Variants in COL10A1 observed in about 807,000 individuals in gnomAD.
COL10A1 encodes the protein collagen type X alpha 1 chain.
A neutral mutation model predicts 18.2 loss-of-function variants in COL10A1; 10 were observed. The ratio of observed to expected loss-of-function variants is 0.55; its 90% CI spans 0.34 to 0.93. COL10A1 has a LOEUF of 0.93. Ranked by LOEUF, COL10A1 falls within the 40% of genes least tolerant of loss-of-function variation. The pLI, the probability that COL10A1 is intolerant of heterozygous loss-of-function variation, is 0.02. For synonymous variants in COL10A1, 330 were observed against 316.6 expected (o/e 1.04, Z -0.45); for missense variants, 897 against 853.5 (o/e 1.05, Z -0.64).
rs552340651 is a variant in COL10A1 at position 116,141,786 on chromosome 6, C to T, written c.-15-16279G>A. On this transcript the variant is annotated intron_variant, in intron 1 of 1. Coordinates refer to the COL10A1 transcript ENST00000418500. ...TTTTTTTTTTTGTTTTGGTTTCCAG[C>T]AGGAGAATGTTTCCAGTTGAGGATT... is the stretch of plus-strand genomic sequence containing the variant. Among the ~76,000 whole-genome samples the T allele has an allele frequency of 4.5e-4, 67 of 148,320 alleles. No individual in the cohort carries two copies. The South Asian group carries it at 0.014, about 31-fold the overall frequency.
intron 1 of COL10A1, among the ~76,000 whole-genome samples, chr6:116,135,834 G>GATATATATATATAT (rs199827970): frequency 3.7e-4 from 38 of 102,348 alleles, no homozygotes; most frequent in South Asian, 6.5e-4. Context: ...TATATTTTCA[G>GATATATATATATAT]ATATATATAT....
chr6:116,205,957 A>G, the COL10A1 span, among the ~76,000 whole-genome samples: 64,543 of 151,724 alleles, frequency 0.43, 17,704 homozygotes, highest in African/African-American at 0.78. Context: ...CAAGGTTCTA[A>G]TAGCTACCCC....
chr6:116,143,264 G>A (rs2114371861), intron 1 of COL10A1, among the ~76,000 whole-genome samples: 1 of 152,234 alleles, frequency 6.6e-6, no homozygotes, highest in South Asian at 2.1e-4. Context: ...AGACTGGAGT[G>A]CAGTGGCGCG....
In COL10A1 at chr6:116,156,098, T is replaced by C. The variant is rs538091144; in HGVS notation, c.-16+2516A>G. ...CCATCACTTAAAAATCTTGAAGTTATGTAAAGGTCAATAATACATATTTTC... is the reference window on the plus strand; with the variant it reads ...CCATCACTTAAAAATCTTGAAGTTACGTAAAGGTCAATAATACATATTTTC... On this transcript the variant is annotated intron_variant, in intron 1 of 1. Coordinates refer to the COL10A1 transcript ENST00000418500. Among the ~76,000 whole-genome samples the C allele has an allele frequency of 1.6e-4, 25 of 152,330 alleles. 1 individual carries two copies. In the South Asian group the frequency reaches 4.6e-3, roughly 28 times the overall value.
chr6:116,164,780 GTTTGGGAAAT>G, the COL10A1 span, among the ~76,000 whole-genome samples: 1 of 152,076 alleles, frequency 6.6e-6, no homozygotes, highest in African/African-American at 2.4e-5. Flanking sequence ...GCATTTGTTT[GTTTGGGAAAT>G]ACTTTATTTC....
intron 1 of COL10A1, among the ~76,000 whole-genome samples, chr6:116,142,120 CT>C (rs1436659865): frequency 6.6e-6 from 1 of 151,988 alleles, no homozygotes; most frequent in African/African-American, 2.4e-5. Flanking sequence ...TACAAAACTA[CT>C]TTTTTGTAGG....
chr6:116,171,849 A>G, the COL10A1 span, among the ~76,000 whole-genome samples: 1 of 152,250 alleles, frequency 6.6e-6, no homozygotes, highest in East Asian at 1.9e-4. Context: ...TTGATATTAA[A>G]GAGGTACTTA....
upstream of COL10A1, among the ~76,000 whole-genome samples, chr6:116,130,240 T>C (rs1009288039): frequency 5.3e-5 from 8 of 152,116 alleles, no homozygotes; most frequent in Non-Finnish European, 1.2e-4. Flanking sequence ...TTTAGAACAA[T>C]AAGCTGCTCC....
At chr6:116,172,317 CT>C in the COL10A1 span, among the ~76,000 whole-genome samples, 4,074 of 107,900 alleles carry the variant, frequency 0.038, 85 homozygotes, top group African/African-American at 0.14. Context: ...CCCTTAGTAA[CT>C]TTTTTTTTTT....
chr6:116,121,520 G>A lies in COL10A1; in HGVS notation c.596C>T (p.Pro199Leu). ...GEMGYGAPGR[P>L]GERGLPGPQG... ...AGGGCCTGGAAGACCCCTCTCACCT[G>A]GACGACCAGGAGCACCATATCCCAT... Residue 199 changes from proline to leucine, a missense_variant, in exon 3 of 3, where the codon CCA becomes CTA. By Grantham distance (98) the Pro-to-Leu change is moderately conservative (BLOSUM62 -3). Coordinates refer to ENST00000651968, the MANE Select transcript of COL10A1 (RefSeq NM_000493.4). 6.2e-7 allele frequency: 1 copy of A among 1,614,068 alleles called. No homozygotes were observed. The highest frequency in any genetic ancestry group is 8.5e-7 in the Non-Finnish European group (1 of 1,180,000).
chr6:116,192,054 G>A, the COL10A1 span, among the ~76,000 whole-genome samples: 3 of 151,946 alleles, frequency 2.0e-5, no homozygotes, highest in African/African-American at 7.2e-5. Flanking sequence ...CCATTACTTA[G>A]GTGAAACTTG....
At chr6:116,149,313 C>T (rs1779975533) in intron 1 of COL10A1, among the ~76,000 whole-genome samples, 1 of 152,136 alleles carries the variant, frequency 6.6e-6, no homozygotes, top group African/African-American at 2.4e-5. Context: ...TGCAAAATTT[C>T]AGAATATTAT....
At chr6:116,215,769 G>C in the COL10A1 span, among the ~76,000 whole-genome samples, 1 of 152,148 alleles carries the variant, frequency 6.6e-6, no homozygotes, top group Non-Finnish European at 1.5e-5. Flanking sequence ...GCCAAGTGCA[G>C]ACAATATGGC....
the COL10A1 span, among the ~76,000 whole-genome samples, chr6:116,175,412 G>A: frequency 3.0e-4 from 46 of 152,170 alleles, no homozygotes; most frequent in East Asian, 4.8e-3. Flanking sequence ...TGAAGTAGGC[G>A]GAGTATTTAT....
intron 1 of COL10A1, among the ~76,000 whole-genome samples, chr6:116,152,000 AGC>A (rs1291437770): frequency 2.6e-5 from 4 of 152,192 alleles, no homozygotes; most frequent in Non-Finnish European, 4.4e-5. Context: ...CTAATGACTA[AGC>A]TAATTGACTA....
rs1554192882 is a variant in COL10A1, at chr6:116,120,064, T to TGTG, written c.*6_*8dup. On this transcript the variant is annotated 3_prime_UTR_variant, in exon 3 of 3. Coordinates refer to ENST00000651968, the MANE Select transcript of COL10A1 (RefSeq NM_000493.4). The stretch of plus-strand genomic sequence containing the variant: ...TCTAGCACAAGATTTAGATTAGCTC[T>TGTG]GTGTGTACTCACATTGGAGCCACTA... The TGTG allele has an allele frequency of 9.6e-7, 1 of 1,041,936 alleles. No individual in the cohort carries two copies. 64.5% of individuals were successfully genotyped at this position (1,041,936 alleles called of 1,614,324 possible).
rs528967599 is a variant in COL10A1, at chr6:116,154,941, A to T, written c.-16+3673T>A. Among the ~76,000 whole-genome samples, 2 of 152,358 alleles carry T rather than the reference A, an allele frequency of 1.3e-5. 1 individual carries two copies. The highest frequency in any genetic ancestry group is 1.3e-4 in the Admixed American group (2 of 15,306). On this transcript the variant is annotated intron_variant, in intron 1 of 1. Coordinates refer to the COL10A1 transcript ENST00000418500. ...AACATCATTTAGGAGTTTAAAAAAC[A>T]AACCATAAATAACCATATACAACCA...
At chr6:116,154,026 T>TCCG (rs1780118677) in intron 1 of COL10A1, among the ~76,000 whole-genome samples, 1 of 147,710 alleles carries the variant, frequency 6.8e-6, no homozygotes, top group African/African-American at 2.5e-5. Context: ...AAAGGGAAGA[T>TCCG]TTCTTTTTTT....
rs1779073824 is a variant in COL10A1, at chr6:116,120,298, T to C, written c.1818A>G (p.Lys606=). Residue 606 remains lysine, a synonymous_variant, in exon 3 of 3, where the codon AAA becomes AAG. Coordinates refer to ENST00000651968, the MANE Select transcript of COL10A1 (RefSeq NM_000493.4). ...IYYFSYHVHV[K]GTHVWVGLYK... ...ACAGGCCTACCCAAACATGAGTCCCTTTCACATGCACGTGGTATGAAAAAT... is the reference window on the plus strand; with the variant it reads ...ACAGGCCTACCCAAACATGAGTCCCCTTCACATGCACGTGGTATGAAAAAT... The C allele has an allele frequency of 6.2e-7, 1 of 1,614,120 alleles. No homozygotes were observed. Among genetic ancestry groups the C allele is most frequent in the African/African-American group, 1.3e-5 (1 of 74,942 alleles).
Sources: gnomAD v4.1 joint callset for allele counts (sites outside exome capture counted in the v4.1 genomes callset) on GRCh38, gnomAD v4.1.1 for gene constraint, MANE v1.5 for transcripts, NCBI Gene and HGNC (gene_info 2026-07-23, HGNC 2026-07-21) for gene names.